The following DNAH14 variants were observed in gnomAD, a reference collection of about 807,000 sequenced individuals.
The protein encoded by DNAH14 is dynein axonemal heavy chain 14.
In DNAH14, 478 loss-of-function variants were observed where a neutral mutation model predicts 520.9. The observed-to-expected ratio is 0.92, with a 90% CI of 0.85 to 0.99. The LOEUF (loss-of-function observed/expected upper bound fraction) is 0.99. Among genes scored for constraint, DNAH14 ranks in the 50% least tolerant of loss-of-function variants. The pLI is 0.00. For missense variants in DNAH14, 4,831 were observed against 5,234.5 expected (o/e 0.92, Z 2.38); for synonymous variants, 1,581 against 1,757.2 (o/e 0.90, Z 2.51).
At chr1:225,228,255 T>C (rs1006057078) in intron 41 of DNAH14, among the ~76,000 whole-genome samples, 4 of 152,222 alleles carry the variant, frequency 2.6e-5, no homozygotes, top group Non-Finnish European at 4.4e-5. Context: ...ATGTGTCTAA[T>C]GAATTCTCTT....
Position 225,080,585 on chromosome 1 carries a change from C to T in DNAH14, c.2973C>T (p.Asp991=). 1 of 1,552,064 alleles carries T rather than the reference C, an allele frequency of 6.4e-7. No homozygotes were observed. Among genetic ancestry groups the T allele is most frequent in the East Asian group, 2.4e-5 (1 of 40,904 alleles). Residue 991 remains aspartate, a synonymous_variant, in exon 19 of 86, where the codon GAC becomes GAT. Coordinates refer to ENST00000682510, the MANE Select transcript of DNAH14 (RefSeq NM_001367479.1). ...AGATTGTGCTTTCAGAGATCTCTGA[C>T]ATTGAAGGTGACTTGACTTTGAGGA... ...ITQIVLSEIS[D]IEGDLTLRKK...
chr1:224,955,060 G>A lies in DNAH14; in HGVS notation c.179G>A (p.Arg60Lys). The part of the protein sequence containing the change: ...EKETLEYKTV[R>K]TFSESLKSEK... ...GAAACATTGGAATATAAAACAGTTA[G>A]AACATTCTCTGAATCTTTGAAGTCA... is the stretch of plus-strand genomic sequence containing the variant. The change falls in exon 3 of 86, where the codon AGA (arginine) becomes AAA (lysine). Residue 60 changes from arginine (R) to lysine (K), a missense_variant. Arg to Lys is a conservative substitution (Grantham distance 26). Coordinates refer to ENST00000682510, the MANE Select transcript of DNAH14 (RefSeq NM_001367479.1). 1 of 1,611,488 alleles carries A rather than the reference G, an allele frequency of 6.2e-7. No individual in the cohort carries two copies. The highest frequency in any genetic ancestry group is 2.2e-5 in the East Asian group (1 of 44,632).
At position 225,023,621 on chromosome 1, in the gene DNAH14, GAAAAGAA is replaced by G; in HGVS notation, c.1115_1121del (p.Glu372ValfsTer28). 6.6e-7 allele frequency: 1 copy of G among 1,515,026 alleles called. No individual in the cohort carries two copies. The highest frequency in any genetic ancestry group is 8.9e-7 in the Non-Finnish European group (1 of 1,126,002). 93.8% of individuals were successfully genotyped at this position (1,515,026 alleles called of 1,614,324 possible). ...ATTGTTTTTTAAATTGTAGGTTGCA[GAAAAGAA>G]TGAAATCAAAGAGTATTTTGAGTCA... On this transcript the variant is annotated frameshift_variant, in exon 11 of 86. Coordinates refer to ENST00000682510, the MANE Select transcript of DNAH14 (RefSeq NM_001367479.1). LOFTEE classifies it high-confidence loss of function.
intron 28 of DNAH14, among the ~76,000 whole-genome samples, chr1:225,142,601 A>G (rs2079555780): frequency 6.6e-6 from 1 of 152,198 alleles, no homozygotes. Context: ...TGCAGTACAC[A>G]ATAGGCATAT....
chr1:225,171,774 G>A (rs985880065), intron 36 of DNAH14, among the ~76,000 whole-genome samples: 1 of 152,128 alleles, frequency 6.6e-6, no homozygotes, highest in Non-Finnish European at 1.5e-5. Context: ...ATTTTATGAG[G>A]CCAGCATCAT....
chr1:225,117,729 C>T lies in DNAH14; in HGVS notation c.3913C>T (p.Leu1305Phe). 2 of 1,550,246 alleles carry T rather than the reference C, an allele frequency of 1.3e-6. No homozygotes were observed. Among genetic ancestry groups the T allele is most frequent in the South Asian group, 1.2e-5 (1 of 84,010 alleles). Residue 1305 changes from leucine (L) to phenylalanine (F), a missense_variant, in exon 24 of 86, where the codon CTT (leucine) becomes TTT (phenylalanine). By Grantham distance (22) the Leu-to-Phe change is conservative. Transcript: ENST00000682510. ...KRLIFPRFYFLSNAELLDILA... is the reference protein window; with the variant it reads ...KRLIFPRFYFFSNAELLDILA... ...ATTAATTTTCCCAAGATTTTACTTTCTTAGCAATGCCGAGCTTCTTGATAT... is the reference window on the plus strand; with the variant it reads ...ATTAATTTTCCCAAGATTTTACTTTTTTAGCAATGCCGAGCTTCTTGATAT...
At chr1:225,040,673 C>G (rs2067398164) in intron 12 of DNAH14, among the ~76,000 whole-genome samples, 1 of 152,094 alleles carries the variant, frequency 6.6e-6, no homozygotes, top group Non-Finnish European at 1.5e-5. Context: ...CTTGCACATT[C>G]CTGTATATTT....
chr1:225,293,832 A>T (rs928872704), intron 55 of DNAH14, among the ~76,000 whole-genome samples: 5 of 152,130 alleles, frequency 3.3e-5, no homozygotes, highest in African/African-American at 1.2e-4. Flanking sequence ...TTTTTTTTTA[A>T]AAAAAGAGTT....
intron 47 of DNAH14, among the ~76,000 whole-genome samples, 174 bp downstream of exon 47, chr1:225,264,435 G>A (rs1233964151): frequency 1.3e-5 from 2 of 152,096 alleles, no homozygotes; most frequent in African/African-American, 2.4e-5. Context: ...CTACTCAAAA[G>A]TTAGAATGGT....
chr1:225,078,897 T>TCTCTCTCTCTCTCTCTCTCTCTCC (rs1558884706), intron 17 of DNAH14, among the ~76,000 whole-genome samples: 1 of 135,896 alleles, frequency 7.4e-6, no homozygotes, highest in African/African-American at 2.8e-5. Flanking sequence ...TCTCTCTCTC[T>TCTCTCTCTCTCTCTCTCTCTCTCC]CCCCGCTTTT....
At chr1:225,122,799 T>C (rs548103477) in intron 26 of DNAH14, among the ~76,000 whole-genome samples, 2 of 152,268 alleles carry the variant, frequency 1.3e-5, no homozygotes, top group East Asian at 3.9e-4. Context: ...CAAAAATAGA[T>C]ACCATTTGCA....
intron 22 of DNAH14, among the ~76,000 whole-genome samples, chr1:225,099,705 G>C (rs2075286408): frequency 1.3e-5 from 2 of 152,290 alleles, no homozygotes; most frequent in South Asian, 4.1e-4. Flanking sequence ...ATACTACTTA[G>C]AGCAGGAGCT....
chr1:225,019,792 T>A (rs1219679054), intron 10 of DNAH14, among the ~76,000 whole-genome samples: 4 of 152,166 alleles, frequency 2.6e-5, no homozygotes, highest in African/African-American at 7.2e-5. Flanking sequence ...GGCAGAAATT[T>A]AAAAAAATTA....
intron 77 of DNAH14, among the ~76,000 whole-genome samples, chr1:225,369,145 A>G (rs1469383064): frequency 1.3e-5 from 2 of 152,164 alleles, no homozygotes; most frequent in Admixed American, 1.3e-4. Flanking sequence ...AAAGAAAAAA[A>G]GAAAATAAAT....
At chr1:225,180,020 C>T (rs1259908804) in intron 36 of DNAH14, among the ~76,000 whole-genome samples, 1 of 151,996 alleles carries the variant, frequency 6.6e-6, no homozygotes, top group Non-Finnish European at 1.5e-5. Flanking sequence ...TTGCTTCTTT[C>T]TCTTTCTGCT....
intron 22 of DNAH14, among the ~76,000 whole-genome samples, chr1:225,099,538 C>T (rs1251546347): frequency 1.3e-5 from 2 of 152,042 alleles, no homozygotes; most frequent in East Asian, 1.9e-4. Context: ...AGAACTTCTC[C>T]CTACCCCCAG....
intron 77 of DNAH14, among the ~76,000 whole-genome samples, chr1:225,372,360 A>G (rs1446060047): frequency 6.6e-6 from 1 of 152,154 alleles, no homozygotes; most frequent in Non-Finnish European, 1.5e-5. Context: ...ACTAAAATCA[A>G]TATTGTTTGG....
rs777972126 is a variant in DNAH14, at chr1:224,967,536, A to T, written c.604A>T (p.Lys202Ter). 4.4e-6 allele frequency: 7 copies of T among 1,604,680 alleles called. No homozygotes were observed. Among genetic ancestry groups the T allele is most frequent in the Non-Finnish European group, 5.1e-6 (6 of 1,176,528 alleles). The change falls in exon 6 of 86, where the codon AAA (lysine) becomes TAA (stop). Residue 202 changes from lysine (K) to a stop codon, truncating the protein, a stop_gained. Coordinates refer to ENST00000682510, the MANE Select transcript of DNAH14 (RefSeq NM_001367479.1). LOFTEE classifies it high-confidence loss of function. ...TCAGGTAGTATCGGCTCATACTGCT[A>T]AACATTGCAAAGAATTTTGGGTTAT... is the stretch of plus-strand genomic sequence containing the variant. Reference protein sequence around the residue: ...DLQVVSAHTAKHCKEFWVITA... With the variant: ...DLQVVSAHTA
At position 225,322,713 on chromosome 1, in the gene DNAH14, T is replaced by C; in HGVS notation, c.9385T>C (p.Cys3129Arg). ...TGTACTGACTGTCATGAATGCAGTG[T>C]GTATTCTTCTGCAAAAGAAACCTAA... Reference protein sequence around the residue: ...FLVLTVMNAVCILLQKKPNWA... With the variant: ...FLVLTVMNAVRILLQKKPNWA... Residue 3129 changes from cysteine to arginine, a missense_variant, in exon 62 of 86, where the codon TGT (cysteine) becomes CGT (arginine). Cys to Arg is a radical substitution (Grantham distance 180). Coordinates refer to ENST00000682510, the MANE Select transcript of DNAH14 (RefSeq NM_001367479.1). The C allele has an allele frequency of 6.4e-7, 1 of 1,551,492 alleles. No individual in the cohort carries two copies. The highest frequency in any genetic ancestry group is 8.7e-7 in the Non-Finnish European group (1 of 1,146,810).
Sources: gnomAD v4.1 joint callset for allele counts (sites outside exome capture counted in the v4.1 genomes callset) on GRCh38, gnomAD v4.1.1 for gene constraint, MANE v1.5 for transcripts, NCBI Gene and HGNC (gene_info 2026-07-23, HGNC 2026-07-21) for gene names.